The following CHRNB3 variants were observed in gnomAD, a reference collection of about 807,000 sequenced individuals.
The protein encoded by CHRNB3 is cholinergic receptor nicotinic beta 3 subunit.
Under a neutral mutation model 40.6 loss-of-function variants are expected in CHRNB3, and 37 were observed. The observed-to-expected ratio is 0.91, with a 90% CI of 0.70 to 1.20. CHRNB3 has a LOEUF of 1.20. Among genes scored for constraint, CHRNB3 ranks in the 50% most tolerant of loss-of-function variants. The pLI is 0.00. For synonymous variants in CHRNB3, 207 were observed against 207.1 expected (o/e 1.00, Z 0.00); for missense variants, 505 against 551.2 (o/e 0.92, Z 0.84).
chr8:42,722,321 C>T (rs1032650968), intron 3 of CHRNB3, among the ~76,000 whole-genome samples: 1 of 151,464 alleles, frequency 6.6e-6, no homozygotes, highest in Admixed American at 6.6e-5. Context: ...GCAGAGATCG[C>T]GCCACTGCAC....
intron 1 of CHRNB3, among the ~76,000 whole-genome samples, chr8:42,708,437 G>T (rs988136693): frequency 6.6e-6 from 1 of 151,466 alleles, no homozygotes; most frequent in African/African-American, 2.4e-5. Flanking sequence ...ATGCACTCCA[G>T]CCTGAGCAAC....
chr8:42,736,894 T>G lies in CHRNB3; in HGVS notation c.*276T>G. 2.5e-6 allele frequency: 1 copy of G among 403,204 alleles called. No individual in the cohort carries two copies. Among genetic ancestry groups the G allele is most frequent in the Non-Finnish European group, 4.4e-6 (1 of 226,104 alleles). 25.0% of individuals were successfully genotyped at this position (403,204 alleles called of 1,614,324 possible). On this transcript the variant is annotated 3_prime_UTR_variant, in exon 6 of 6. Coordinates refer to ENST00000289957, the MANE Select transcript of CHRNB3 (RefSeq NM_000749.5). ...TCATAGGTCCAGGCTTGAGCTCACA[T>G]GTGGCCAGAGTGCACAAAAAGCTGT... is the stretch of plus-strand genomic sequence containing the variant.
intron 5 of CHRNB3, 120 bp from the exon 6 acceptor site, chr8:42,736,364 C>T: frequency 1.6e-6 from 2 of 1,215,938 alleles, no homozygotes; most frequent in Non-Finnish European, 1.2e-6. Context: ...ACATTAGATG[C>T]ATTTTGAAAA....
chr8:42,707,145 G>C (rs975680028), intron 1 of CHRNB3, among the ~76,000 whole-genome samples: 1 of 152,202 alleles, frequency 6.6e-6, no homozygotes, highest in Non-Finnish European at 1.5e-5. Context: ...AAATGGGGCT[G>C]GGAACCGTCA....
At chr8:42,725,312 A>ATTC (rs1404969396) in intron 3 of CHRNB3, among the ~76,000 whole-genome samples, 1 of 150,234 alleles carries the variant, frequency 6.7e-6, no homozygotes, top group Non-Finnish European at 1.5e-5. Flanking sequence ...CTGGTCTCAA[A>ATTC]CTCCTGACCT....
intron 3 of CHRNB3, among the ~76,000 whole-genome samples, chr8:42,729,738 C>T (rs1440225581): frequency 3.3e-5 from 5 of 152,146 alleles, no homozygotes; most frequent in Non-Finnish European, 5.9e-5. Context: ...CACCTATCCA[C>T]ACGAGGGGCT....
intron 1 of CHRNB3, among the ~76,000 whole-genome samples, chr8:42,705,338 G>A (rs1373448399): frequency 6.6e-6 from 1 of 152,228 alleles, no homozygotes; most frequent in Non-Finnish European, 1.5e-5. Context: ...CAGTGCTGCT[G>A]TGGTTTGAAT....
At chr8:42,725,789 C>A in intron 3 of CHRNB3, 4 of 886,874 alleles carry the variant, frequency 4.5e-6, no homozygotes, top group Non-Finnish European at 5.6e-6. Flanking sequence ...AGTTCCCAGA[C>A]AGACTTCAGA....
chr8:42,700,007 A>T (rs1039568461), intron 1 of CHRNB3, among the ~76,000 whole-genome samples: 1 of 151,184 alleles, frequency 6.6e-6, no homozygotes, highest in African/African-American at 2.4e-5. Flanking sequence ...GAATTCTTCA[A>T]TAATTTCTTT....
intron 3 of CHRNB3, among the ~76,000 whole-genome samples, chr8:42,713,177 C>A (rs1428760480): frequency 6.6e-6 from 1 of 151,984 alleles, no homozygotes; most frequent in Non-Finnish European, 1.5e-5. Context: ...AAGCAGGGGT[C>A]CAGGGACTCT....
At chr8:42,733,787 G>C (rs1816469578) in intron 5 of CHRNB3, among the ~76,000 whole-genome samples, 1 of 150,584 alleles carries the variant, frequency 6.6e-6, no homozygotes, top group Admixed American at 6.6e-5. Context: ...TTAGAGATGG[G>C]GTTTTGCCAT....
At chr8:42,727,373 G>GAAAA (rs758556619) in intron 3 of CHRNB3, among the ~76,000 whole-genome samples, 2 of 85,090 alleles carry the variant, frequency 2.4e-5, no homozygotes, top group African/African-American at 4.1e-5. Flanking sequence ...ACTCTGTCTC[G>GAAAA]AAAAAAAAAA....
chr8:42,728,604 T>C (rs1336286133), intron 3 of CHRNB3, among the ~76,000 whole-genome samples: 1 of 152,086 alleles, frequency 6.6e-6, no homozygotes, highest in Non-Finnish European at 1.5e-5. Context: ...AAGTCAGAAT[T>C]GAAATGTTAT....
chr8:42,732,228 GACCCTGTCC>G lies in CHRNB3; in HGVS notation c.923_931del (p.Thr308_Ser310del). The G allele has an allele frequency of 6.2e-7, 1 of 1,610,994 alleles. No homozygotes were observed. Among genetic ancestry groups the G allele is most frequent in the Non-Finnish European group, 8.5e-7 (1 of 1,179,074 alleles). Reference sequence around the variant, plus strand: ...ACCTGCTGTTCATCATGATTTTTGTGACCCTGTCCATCATTGTTACCGTGTTTGTCATTA... The same window carrying G: ...ACCTGCTGTTCATCATGATTTTTGTGATCATTGTTACCGTGTTTGTCATTA... On this transcript the variant is annotated inframe_deletion, in exon 5 of 6. Transcript: ENST00000289957.
rs1230364792 is a variant in CHRNB3 at position 42,736,817 on chromosome 8, G to T, written c.*199G>T. 3.1e-6 allele frequency: 2 copies of T among 654,222 alleles called. No homozygotes were observed. The highest frequency in any genetic ancestry group is 3.7e-5 in the African/African-American group (2 of 54,736). 40.5% of individuals were successfully genotyped at this position (654,222 alleles called of 1,614,324 possible). ...TGAGAGTGAGCTGCTTTTAAAGAAA[G>T]TGGAGCCTCCTCAGACCCCTGCCTT... On this transcript the variant is annotated 3_prime_UTR_variant, in exon 6 of 6. Transcript: ENST00000289957.
Position 42,732,437 on chromosome 8 carries a change from A to T in CHRNB3, c.1130A>T (p.Lys377Ile). The T allele has an allele frequency of 6.2e-7, 1 of 1,614,102 alleles. No individual in the cohort carries two copies. Among genetic ancestry groups the T allele is most frequent in the Admixed American group, 1.7e-5 (1 of 60,006 alleles). The change falls in exon 5 of 6, where the codon AAA becomes ATA. Residue 377 changes from lysine (K) to isoleucine (I), a missense_variant. Transcript: ENST00000289957. ...AAAGGCAAAGTCCTCGAAAAAAAGA[A>T]ACAGAAACAGCTTAGTGATGGAGAA... ...VVKGKVLEKK[K>I]QKQLSDGEKV... is the part of the protein sequence containing the mutation.
chr8:42,730,067 A>T (rs1004634427), intron 3 of CHRNB3, among the ~76,000 whole-genome samples: 2 of 152,132 alleles, frequency 1.3e-5, no homozygotes, highest in African/African-American at 4.8e-5. Context: ...CTGGGAAAAC[A>T]TTTTTTTATT....
intron 1 of CHRNB3, among the ~76,000 whole-genome samples, chr8:42,703,755 A>G (rs944544040): frequency 2.6e-5 from 4 of 151,962 alleles, no homozygotes; most frequent in African/African-American, 4.8e-5. Context: ...TCATGTGTTC[A>G]TTTGTTCATT....
intron 3 of CHRNB3, among the ~76,000 whole-genome samples, chr8:42,729,791 T>C (rs1816371888): frequency 6.6e-6 from 1 of 152,178 alleles, no homozygotes; most frequent in South Asian, 2.1e-4. Flanking sequence ...TTTCCTATGA[T>C]TCTGGACCCT....
Sources: allele counts gnomAD v4.1 joint callset (sites outside exome capture counted in the v4.1 genomes callset), GRCh38; gene constraint gnomAD v4.1.1; transcripts MANE v1.5; gene names NCBI Gene and HGNC (gene_info 2026-07-23, HGNC 2026-07-21).